Variants in ACTN1 observed in about 807,000 individuals in gnomAD.
The protein encoded by ACTN1 is actinin alpha 1.
ACTN1 carries 30 observed loss-of-function variants against 119.6 expected under a neutral mutation model. The ratio of observed to expected loss-of-function variants is 0.25; its 90% CI spans 0.19 to 0.34. The LOEUF (loss-of-function observed/expected upper bound fraction) is 0.34. ACTN1 is among the 10% of genes least tolerant of loss of function. ACTN1 has a pLI of 1.00. For synonymous variants in ACTN1, 429 were observed against 472.6 expected (o/e 0.91, Z 1.20); for missense variants, 764 against 1,223.4 (o/e 0.62, Z 5.60).
intron 1 of ACTN1, 21 bp downstream of exon 1, chr14:68,978,930 GC>G (rs748260839): frequency 3.7e-5 from 57 of 1,526,106 alleles, no homozygotes; most frequent in Non-Finnish European, 4.5e-5. Context: ...GGGGGCTGCA[GC>G]GGGCGGGGGC....
intron 8 of ACTN1, among the ~76,000 whole-genome samples, chr14:68,899,080 ACAC>A (rs1203612096): frequency 1.6e-5 from 2 of 128,314 alleles, no homozygotes; most frequent in African/African-American, 3.1e-5. Context: ...CACCACACAC[ACAC>A]CTCACACCCA....
rs376627874 is a variant in ACTN1 at position 68,941,885 on chromosome 14, C to T, written c.106-16213G>A. Among the ~76,000 whole-genome samples the T allele has an allele frequency of 5.1e-4, 78 of 152,266 alleles. No individual in the cohort carries two copies. The East Asian group carries it at 0.011, about 21-fold the overall frequency. ...TGCACCCCAACCTCTCTGACTCAGT[C>T]AAAACTTGATCAATAGGACCTCAGC... On this transcript the variant is annotated intron_variant, in intron 1 of 21. Coordinates refer to ENST00000394419, the MANE Select transcript of ACTN1 (RefSeq NM_001130004.2).
Position 68,882,516 on chromosome 14 carries a change from C to A in ACTN1, c.1895G>T (p.Arg632Leu). Residue 632 changes from arginine (R) to leucine (L), a missense_variant, in exon 16 of 22, where the codon CGC (arginine) becomes CTC (leucine). Transcript: ENST00000394419. The surrounding 1 kb of genome is among the most constrained non-coding windows in gnomAD (Gnocchi z 4.5). ...ATTGGCCTGGGCTCCAAACTGCTTG[C>A]GTAGCCTCTCATTGTGCTGCTGTCG... The part of the protein sequence containing the change: ...HARQQHNERL[R>L]KQFGAQANVI... 1 of 1,614,136 alleles carries A rather than the reference C, an allele frequency of 6.2e-7. No homozygotes were observed. The highest frequency in any genetic ancestry group is 8.5e-7 in the Non-Finnish European group (1 of 1,180,030).
chr14:68,911,764 T>C (rs547300560), intron 4 of ACTN1, among the ~76,000 whole-genome samples: 1 of 152,304 alleles, frequency 6.6e-6, no homozygotes, highest in African/African-American at 2.4e-5. Flanking sequence ...TGCAGATCTG[T>C]GAAATGGCCA....
chr14:68,894,301 G>A (rs180940198), intron 8 of ACTN1, among the ~76,000 whole-genome samples: 1 of 152,188 alleles, frequency 6.6e-6, no homozygotes, highest in Non-Finnish European at 1.5e-5. Flanking sequence ...GAAAACTGAC[G>A]GACATTCTAC....
At chr14:68,915,056 G>T (rs1468810465) in intron 3 of ACTN1, among the ~76,000 whole-genome samples, 1 of 152,110 alleles carries the variant, frequency 6.6e-6, no homozygotes, top group Non-Finnish European at 1.5e-5. Context: ...TTGCTGCAAG[G>T]CTATTTATCA....
Position 68,918,322 on chromosome 14 carries a change from C to G in ACTN1, c.340+2684G>C, listed in dbSNP as rs561682410. On this transcript the variant is annotated intron_variant, in intron 3 of 21. Transcript: ENST00000394419. ...TCTGGCCGGGCGCGGTGGCTCACGC[C>G]TGTAATCCCAGCACTTTGGGAAGCT... Among the ~76,000 whole-genome samples the G allele has an allele frequency of 8.5e-5, 13 of 152,336 alleles. No homozygotes were observed. The East Asian group carries it at 1.7e-3, about 20-fold the overall frequency.
intron 20 of ACTN1, 146 bp from the exon 21 acceptor site, chr14:68,877,386 G>T (rs957305054): frequency 4.2e-6 from 4 of 948,204 alleles, no homozygotes; most frequent in Non-Finnish European, 6.2e-6. Context: ...TGTCCTAAGG[G>T]TATGATGGGG....
intron 1 of ACTN1, among the ~76,000 whole-genome samples, chr14:68,948,432 G>A (rs1336691092): frequency 6.6e-6 from 1 of 152,140 alleles, no homozygotes; most frequent in East Asian, 1.9e-4. Context: ...ACAAAAATTA[G>A]CCGGGCATGG....
chr14:68,922,511 C>T (rs2034703961), intron 2 of ACTN1, among the ~76,000 whole-genome samples: 1 of 152,096 alleles, frequency 6.6e-6, no homozygotes, highest in Non-Finnish European at 1.5e-5. Context: ...ATGCAGGCAG[C>T]ACCACGTCCC....
intron 1 of ACTN1, among the ~76,000 whole-genome samples, chr14:68,972,192 G>A (rs1215171435): frequency 6.6e-6 from 1 of 152,174 alleles, no homozygotes; most frequent in Non-Finnish European, 1.5e-5. Flanking sequence ...CTGTTTGCCT[G>A]TGCATATCTA....
At chr14:68,959,109 G>C (rs929000416) in intron 1 of ACTN1, among the ~76,000 whole-genome samples, 1 of 152,162 alleles carries the variant, frequency 6.6e-6, no homozygotes, top group African/African-American at 2.4e-5. Flanking sequence ...GAAAACCTCT[G>C]AACTCAGAGC....
rs545384555 is a variant in ACTN1 at position 68,956,477 on chromosome 14, T to C, written c.105+22475A>G. Among the ~76,000 whole-genome samples the C allele has an allele frequency of 8.5e-5, 13 of 152,318 alleles. No homozygotes were observed. In the East Asian group the frequency reaches 2.5e-3, roughly 29 times the overall value. ...GGCGCTTGCTGGAAATGCAGATTTC[T>C]GGGCTCTAACAGAGCATTTGGTTCA... On this transcript the variant is annotated intron_variant, in intron 1 of 21. Coordinates refer to ENST00000394419, the MANE Select transcript of ACTN1 (RefSeq NM_001130004.2).
intron 1 of ACTN1, among the ~76,000 whole-genome samples, chr14:68,926,261 C>T (rs888586215): frequency 6.6e-6 from 1 of 152,122 alleles, no homozygotes; most frequent in African/African-American, 2.4e-5. Flanking sequence ...GATAGGGGCA[C>T]CCTAAGCTGC....
At chr14:68,934,394 C>T (rs1364080351) in intron 1 of ACTN1, among the ~76,000 whole-genome samples, 1 of 152,264 alleles carries the variant, frequency 6.6e-6, no homozygotes, top group East Asian at 1.9e-4. Context: ...ACATGTCACG[C>T]ACATGCTGCC....
chr14:68,921,152 G>C (rs751487359), intron 2 of ACTN1, 27 bp from the exon 3 acceptor site: 6 of 1,613,084 alleles, frequency 3.7e-6, no homozygotes, highest in Non-Finnish European at 5.1e-6. Context: ...GGAGGAAGAG[G>C]AAGGTGAGAC....
Position 68,874,387 on chromosome 14 carries a change from A to G in ACTN1, c.*472T>C, listed in dbSNP as rs1054992. The G allele has an allele frequency of 6.5e-6, 1 of 153,336 alleles. No individual in the cohort carries two copies. Among genetic ancestry groups the G allele is most frequent in the Non-Finnish European group, 1.5e-5 (1 of 68,536 alleles). 9.5% of individuals were successfully genotyped at this position (153,336 alleles called of 1,614,324 possible). On this transcript the variant is annotated 3_prime_UTR_variant, in exon 22 of 22. Coordinates refer to ENST00000394419, the MANE Select transcript of ACTN1 (RefSeq NM_001130004.2). The stretch of plus-strand genomic sequence containing the variant: ...CAAGTGAGCTAGCAAACACACATGC[A>G]CCAATGTGCCTTTTGACAAGAGTAC...
At chr14:68,894,178 G>A (rs1052768953) in intron 8 of ACTN1, among the ~76,000 whole-genome samples, 6 of 152,186 alleles carry the variant, frequency 3.9e-5, no homozygotes, top group Non-Finnish European at 7.3e-5. Flanking sequence ...GGAGATGTGG[G>A]AATTCAAATC....
chr14:68,965,928 G>A lies in ACTN1; in HGVS notation c.105+13024C>T, dbSNP rs1365641466. Among the ~76,000 whole-genome samples, 3 of 152,288 alleles carry A rather than the reference G, an allele frequency of 2.0e-5. No homozygotes were observed. The East Asian group carries it at 5.8e-4, about 29-fold the overall frequency. ...CAACTGCAAGGTCACCTTTAGAAGTGCCTGACTCGGATGAGTATGGTGGTT... is the reference window on the plus strand; with the variant it reads ...CAACTGCAAGGTCACCTTTAGAAGTACCTGACTCGGATGAGTATGGTGGTT... On this transcript the variant is annotated intron_variant, in intron 1 of 21. Coordinates refer to ENST00000394419, the MANE Select transcript of ACTN1 (RefSeq NM_001130004.2).
Sources: allele counts gnomAD v4.1 joint callset (sites outside exome capture counted in the v4.1 genomes callset), GRCh38; gene constraint gnomAD v4.1.1; non-coding constraint Gnocchi (gnomAD v3.1); transcripts MANE v1.5; gene names NCBI Gene and HGNC (gene_info 2026-07-23, HGNC 2026-07-21).